ICA1: variants seen among roughly 807,000 people sequenced by gnomAD.
The protein encoded by ICA1 is islet cell autoantigen 1.
In ICA1, 40 loss-of-function variants were observed where a neutral mutation model predicts 71.0. The observed-to-expected ratio is 0.56, with a 90% CI of 0.44 to 0.73. ICA1 has a LOEUF of 0.73. Ranked by LOEUF, ICA1 falls within the 30% of genes least tolerant of loss-of-function variation. ICA1 has a pLI of 0.00. For synonymous variants in ICA1, 207 were observed against 209.5 expected (o/e 0.99, Z 0.10); for missense variants, 578 against 576.5 (o/e 1.00, Z -0.03).
rs898138701 is a variant in ICA1 at position 8,223,105 on chromosome 7, A to C, written c.257-1707T>G. Among the ~76,000 whole-genome samples, 3 of 152,184 alleles carry C rather than the reference A, an allele frequency of 2.0e-5. No individual in the cohort carries two copies. Among genetic ancestry groups the C allele is most frequent in the Non-Finnish European group, 4.4e-5 (3 of 68,024 alleles). On this transcript the variant is annotated intron_variant, in intron 4 of 13. Transcript: ENST00000402384. This position sits in a 1 kb window ranked among gnomAD's most constrained non-coding sequence, Gnocchi z 4.1. ...TTTTAAAATTCCTATAATTATAAGAAGGTTTTTTGTTTTTTAATACATTCC... is the reference window on the plus strand; with the variant it reads ...TTTTAAAATTCCTATAATTATAAGACGGTTTTTTGTTTTTTAATACATTCC...
chr7:8,227,643 G>A, intron 4 of ICA1: 1 of 345,344 alleles, frequency 2.9e-6, no homozygotes, highest in South Asian at 2.2e-5. Flanking sequence ...CTCACCTTCT[G>A]TCGCCCAGGC....
At chr7:8,129,079 A>G (rs930480358) in intron 12 of ICA1, among the ~76,000 whole-genome samples, 2 of 152,236 alleles carry the variant, frequency 1.3e-5, no homozygotes, top group African/African-American at 4.8e-5. Flanking sequence ...AGAATACTGA[A>G]TATTGAATAC....
chr7:8,257,206 T>A (rs1810519158), intron 1 of ICA1, among the ~76,000 whole-genome samples: 1 of 152,238 alleles, frequency 6.6e-6, no homozygotes, highest in Non-Finnish European at 1.5e-5. Flanking sequence ...TCTTCCTTGA[T>A]AGTTGTCAGG....
chr7:8,137,833 A>G (rs992853950), intron 12 of ICA1, among the ~76,000 whole-genome samples: 3 of 152,168 alleles, frequency 2.0e-5, no homozygotes, highest in African/African-American at 7.2e-5. Flanking sequence ...ACTTTAACCA[A>G]TGTCCTCTGT....
chr7:8,236,785 AGCCCAGCCACATTAGCCCACTT>A (rs1253524807), intron 1 of ICA1: 1 of 152,534 alleles, frequency 6.6e-6, no homozygotes, highest in Non-Finnish European at 1.5e-5. Flanking sequence ...AGGGCCCACC[AGCCCAGCCACATTAGCCCACTT>A]GCCAGCAGTT....
chr7:8,146,962 AAGCCAGGAATATTTTC>A (rs1797221294), intron 8 of ICA1, among the ~76,000 whole-genome samples: 1 of 151,702 alleles, frequency 6.6e-6, no homozygotes, highest in Non-Finnish European at 1.5e-5. Flanking sequence ...GGTCAAAGTG[AAGCCAGGAATATTTTC>A]AGCCAAGGTT....
intron 8 of ICA1, among the ~76,000 whole-genome samples, chr7:8,154,237 A>G (rs900130729): frequency 6.6e-6 from 1 of 152,214 alleles, no homozygotes; most frequent in Non-Finnish European, 1.5e-5. Context: ...CTTTATAATA[A>G]AATAACTTTG....
chr7:8,218,193 A>T, intron 6 of ICA1, 112 bp downstream of exon 6: 2 of 847,654 alleles, frequency 2.4e-6, no homozygotes, highest in Non-Finnish European at 1.9e-6. Flanking sequence ...AGCGATGATT[A>T]ATTGCATCCT....
chr7:8,196,356 T>C (rs899852141), intron 6 of ICA1, among the ~76,000 whole-genome samples: 1 of 152,104 alleles, frequency 6.6e-6, no homozygotes, highest in African/African-American at 2.4e-5. Flanking sequence ...CTCAGGGAGA[T>C]AGAAGGATGA....
At chr7:8,217,448 G>C (rs1353607740) in intron 6 of ICA1, among the ~76,000 whole-genome samples, 1 of 152,140 alleles carries the variant, frequency 6.6e-6, no homozygotes, top group East Asian at 1.9e-4. Context: ...TACATAATAA[G>C]AAATCTAGGG....
intron 8 of ICA1, among the ~76,000 whole-genome samples, chr7:8,152,570 C>CACA (rs1221562089): frequency 1.4e-5 from 2 of 146,322 alleles, no homozygotes; most frequent in African/African-American, 2.5e-5. Context: ...CCACCACCAC[C>CACA]ACCACCATCT....
Position 8,244,926 on chromosome 7 carries a change from T to C in ICA1, c.-79-8921A>G, listed in dbSNP as rs111642981. On this transcript the variant is annotated intron_variant, in intron 1 of 13. Coordinates refer to ENST00000402384, the MANE Select transcript of ICA1 (RefSeq NM_001136020.3). Reference sequence around the variant, plus strand: ...AGGAAACAACAGGTGCTGGAGAGGATGTGGAGAAACAGGAACACTTTTACA... The same window carrying C: ...AGGAAACAACAGGTGCTGGAGAGGACGTGGAGAAACAGGAACACTTTTACA... Among the ~76,000 whole-genome samples, 644 of 152,268 alleles carry C rather than the reference T, an allele frequency of 4.2e-3. 6 individuals are homozygous for C. Among genetic ancestry groups the C allele is most frequent in the African/African-American group, 0.015 (627 of 41,550 alleles).
At chr7:8,187,778 T>G (rs1204321730) in intron 6 of ICA1, among the ~76,000 whole-genome samples, 1 of 152,238 alleles carries the variant, frequency 6.6e-6, no homozygotes, top group Admixed American at 6.5e-5. Flanking sequence ...TAAACTTCTT[T>G]GTTAAAAACT....
At chr7:8,195,324 T>G (rs1200917963) in intron 6 of ICA1, among the ~76,000 whole-genome samples, 1 of 152,158 alleles carries the variant, frequency 6.6e-6, no homozygotes, top group African/African-American at 2.4e-5. Flanking sequence ...CTGGATCTCT[T>G]GAGGTCAGGA....
chr7:8,164,348 G>C lies in ICA1; in HGVS notation c.580-5696C>G, dbSNP rs978373167. ...AAAAAAAGAATAGATCTGGAGTCAA[G>C]AGGAAAGATGTTAGTAGTTTAGATT... On this transcript the variant is annotated intron_variant, in intron 6 of 13. Transcript: ENST00000402384. 2.0e-5 allele frequency among the ~76,000 whole-genome samples: 3 copies of C among 148,164 alleles called. No individual in the cohort carries two copies. The South Asian group carries it at 6.5e-4, about 32-fold the overall frequency.
chr7:8,169,691 T>C (rs1197990960), intron 6 of ICA1, among the ~76,000 whole-genome samples: 2 of 152,088 alleles, frequency 1.3e-5, no homozygotes, highest in Admixed American at 1.3e-4. Flanking sequence ...TAAAAATGGG[T>C]TTATCTTTTT....
chr7:8,235,811 G>A (rs1563137231), intron 2 of ICA1, 99 bp downstream of exon 2: 3 of 1,235,976 alleles, frequency 2.4e-6, no homozygotes, highest in East Asian at 4.7e-5. Context: ...GATACTTACT[G>A]CCAATGTATC....
At chr7:8,236,724 A>G (rs1583603922) in intron 1 of ICA1, 1 of 152,314 alleles carries the variant, frequency 6.6e-6, no homozygotes, top group Admixed American at 6.5e-5. Flanking sequence ...ACTGGAGTCA[A>G]TGTCTCTGCC....
chr7:8,185,114 A>C (rs1388892404), intron 6 of ICA1, among the ~76,000 whole-genome samples: 1 of 152,032 alleles, frequency 6.6e-6, no homozygotes, highest in East Asian at 1.9e-4. Context: ...ATGAGAGATA[A>C]ATTTTTAAAA....
Sources: allele counts gnomAD v4.1 joint callset (sites outside exome capture counted in the v4.1 genomes callset), GRCh38; gene constraint gnomAD v4.1.1; non-coding constraint Gnocchi (gnomAD v3.1); transcripts MANE v1.5; gene names NCBI Gene and HGNC (gene_info 2026-07-23, HGNC 2026-07-21).